Variants in RASL12 observed in about 807,000 individuals in gnomAD.
The protein encoded by RASL12 is RAS like family 12.
In RASL12, 16 loss-of-function variants were observed where a neutral mutation model predicts 22.9. That is an observed-to-expected ratio of 0.70 (90% CI 0.47 to 1.06). The LOEUF (loss-of-function observed/expected upper bound fraction) is 1.06. RASL12 is among the 50% of genes least tolerant of loss of function. RASL12 has a pLI of 0.00. For missense variants in RASL12, 306 were observed against 353.1 expected (o/e 0.87, Z 1.07); for synonymous variants, 159 against 152.2 (o/e 1.04, Z -0.33).
chr15:65,055,915 AG>A (rs1181054194), intron 4 of RASL12, among the ~76,000 whole-genome samples: 1 of 152,168 alleles, frequency 6.6e-6, no homozygotes, highest in African/African-American at 2.4e-5. Context: ...AGGAGAGGGC[AG>A]GGGGGACAAC....
At chr15:65,069,108 G>A (rs1484540466), upstream of RASL12, among the ~76,000 whole-genome samples, 1 of 152,214 alleles carries the variant, frequency 6.6e-6, no homozygotes, top group African/African-American at 2.4e-5. Context: ...CACCCACAGA[G>A]GAACCATGGA....
chr15:65,052,838 G>T, downstream of RASL12: 2 of 761,856 alleles, frequency 2.6e-6, no homozygotes, highest in Non-Finnish European at 4.3e-6. Context: ...AACCATTGCC[G>T]CTTCTCCTCT....
intron 2 of RASL12, among the ~76,000 whole-genome samples, chr15:65,063,817 C>G (rs1304436331): frequency 6.6e-6 from 1 of 152,228 alleles, no homozygotes; most frequent in Non-Finnish European, 1.5e-5. Context: ...GGACTCCAGC[C>G]TGAACTAAGG....
chr15:65,047,795 TGATAGATAGATA>T, the RASL12 span, among the ~76,000 whole-genome samples: 1,424 of 149,936 alleles, frequency 9.5e-3, 7 homozygotes, highest in South Asian at 0.016. Context: ...GATCGATAGA[TGATAGATAGATA>T]GATAGATAGA....
intron 2 of RASL12, among the ~76,000 whole-genome samples, chr15:65,062,499 A>G (rs575647936): frequency 6.6e-6 from 1 of 152,334 alleles, no homozygotes; most frequent in Admixed American, 6.5e-5. Flanking sequence ...CATAATCTTA[A>G]GGCAAATCAC....
At chr15:65,063,568 C>G (rs1313233989) in intron 2 of RASL12, among the ~76,000 whole-genome samples, 2 of 152,226 alleles carry the variant, frequency 1.3e-5, no homozygotes, top group Non-Finnish European at 2.9e-5. Context: ...CACTGAAGGG[C>G]TGTGCCAAGG....
At chr15:65,063,998 G>A (rs1385489423) in intron 2 of RASL12, among the ~76,000 whole-genome samples, 2 of 152,156 alleles carry the variant, frequency 1.3e-5, no homozygotes, top group Non-Finnish European at 2.9e-5. Flanking sequence ...TTATGAATGG[G>A]GAAAATAATC....
Position 65,058,360 on chromosome 15 carries a change from A to G in RASL12, c.425+67T>C. 3.8e-6 allele frequency: 5 copies of G among 1,331,028 alleles called. No homozygotes were observed. In the South Asian group the frequency reaches 8.0e-5, roughly 21 times the overall value. 82.5% of individuals were successfully genotyped at this position (1,331,028 alleles called of 1,614,324 possible). A position where few individuals can be genotyped will look rare whatever the true frequency, so the allele number is the denominator to read the frequency against. On this transcript the variant is annotated intron_variant, in intron 4 of 4. Coordinates refer to ENST00000220062, the MANE Select transcript of RASL12 (RefSeq NM_016563.4). Reference sequence around the variant, plus strand: ...CTTAGCAGCCCACTAATCCCTCAAGATGCCACCTGACCTTACAAGTGAAGA... The same window carrying G: ...CTTAGCAGCCCACTAATCCCTCAAGGTGCCACCTGACCTTACAAGTGAAGA...
exon 1 of RASL12, chr15:65,076,654 G>A: frequency 4.1e-6 from 3 of 735,138 alleles, no homozygotes; most frequent in South Asian, 3.1e-5. Flanking sequence ...CGGGCCTGCA[G>A]CCATACAGCC....
chr15:65,051,194 A>G (rs778390087), downstream of RASL12, among the ~76,000 whole-genome samples: 9 of 152,032 alleles, frequency 5.9e-5, no homozygotes, highest in Non-Finnish European at 1.2e-4. Context: ...GGCAAAACTG[A>G]AGATTGTGAA....
At chr15:65,060,923 T>C (rs968114135) in intron 2 of RASL12, among the ~76,000 whole-genome samples, 10 of 151,970 alleles carry the variant, frequency 6.6e-5, no homozygotes, top group Non-Finnish European at 1.5e-4. Context: ...GCTGCTCTTA[T>C]GCAAAGACAA....
intron 1 of RASL12, among the ~76,000 whole-genome samples, chr15:65,074,922 G>A (rs533487043): frequency 2.3e-3 from 343 of 152,366 alleles, no homozygotes; most frequent in African/African-American, 7.4e-3. Flanking sequence ...CCACTTTGGC[G>A]GCACTTGTGG....
At chr15:65,067,183 T>G (rs1471990018) in intron 1 of RASL12, among the ~76,000 whole-genome samples, 2 of 151,694 alleles carry the variant, frequency 1.3e-5, no homozygotes, top group African/African-American at 4.8e-5. Flanking sequence ...CCAGCTCCCT[T>G]CTACGGGGAG....
rs376084935 is a variant in RASL12, at chr15:65,065,272, G to A, written c.105C>T (p.Ala35=). ...ILGRRGAGKS[A]LTVKFLTKRF... is the part of the protein sequence containing the mutation. The stretch of plus-strand genomic sequence containing the variant: ...TCTTGGTCAGAAACTTCACGGTCAG[G>A]GCTGCAAGAAGCAGAAAGAGGTTGG... Residue 35 remains alanine (A), a splice_region_variant and synonymous_variant, in exon 2 of 5, where the codon GCC becomes GCT. Transcript: ENST00000220062. The A allele has an allele frequency of 1.2e-6, 2 of 1,611,538 alleles. No homozygotes were observed. The highest frequency in any genetic ancestry group is 1.7e-6 in the Non-Finnish European group (2 of 1,179,060).
At chr15:65,047,270 T>G in the RASL12 span, among the ~76,000 whole-genome samples, 88 of 147,202 alleles carry the variant, frequency 6.0e-4, no homozygotes, top group Middle Eastern at 3.4e-3. Context: ...TGGGAGGCGG[T>G]GGTTGCAGTG....
At position 65,060,524 on chromosome 15, in the gene RASL12, A is replaced by G. The variant is rs182746954; in HGVS notation, c.161-1106T>C. On this transcript the variant is annotated intron_variant, in intron 2 of 4. Transcript: ENST00000220062. ...TTTTTTTATATATATGGTTCTCATG[A>G]TCTCAAATCTGAGAAAGCAACAAGT... is the stretch of plus-strand genomic sequence containing the variant. Among the ~76,000 whole-genome samples, 334 of 152,298 alleles carry G rather than the reference A, an allele frequency of 2.2e-3. 3 individuals are homozygous for G. Among genetic ancestry groups the G allele is most frequent in the African/African-American group, 7.7e-3 (321 of 41,556 alleles).
chr15:65,068,096 C>T, upstream of RASL12: 2 of 1,049,348 alleles, frequency 1.9e-6, no homozygotes, highest in Non-Finnish European at 2.3e-6. This position sits in a 1 kb window ranked among gnomAD's most constrained non-coding sequence, Gnocchi z 4.2. Context: ...GGGGCGCGCT[C>T]AGCCGGCTCC....
At chr15:65,069,967 C>G (rs2086920130), upstream of RASL12, among the ~76,000 whole-genome samples, 1 of 152,218 alleles carries the variant, frequency 6.6e-6, no homozygotes, top group Admixed American at 6.5e-5. Context: ...CTATCCTTTT[C>G]TCCATCCCCA....
chr15:65,060,215 G>A (rs764134045), intron 2 of RASL12, among the ~76,000 whole-genome samples: 12 of 152,196 alleles, frequency 7.9e-5, no homozygotes, highest in Non-Finnish European at 1.2e-4. Flanking sequence ...CCCAGGCATG[G>A]GGCCTGGCTC....
Sources: gnomAD v4.1 joint callset for allele counts (sites outside exome capture counted in the v4.1 genomes callset) on GRCh38, gnomAD v4.1.1 for gene constraint, Gnocchi (gnomAD v3.1) non-coding constraint, MANE v1.5 for transcripts, NCBI Gene and HGNC (gene_info 2026-07-23, HGNC 2026-07-21) for gene names.